Variants in SLC24A2 observed in about 807,000 individuals in gnomAD.
SLC24A2 encodes solute carrier family 24 member 2, also known as sodium/potassium/calcium exchanger 2.
A neutral mutation model predicts 62.0 loss-of-function variants in SLC24A2; 36 were observed. The observed-to-expected ratio is 0.58, with a 90% CI of 0.44 to 0.77. The LOEUF is 0.77. Among genes scored for constraint, SLC24A2 ranks in the 30% least tolerant of loss-of-function variants. The pLI is 0.00. For missense variants in SLC24A2, 846 were observed against 817.9 expected (o/e 1.03, Z -0.42); for synonymous variants, 358 against 294.0 (o/e 1.22, Z -2.23).
chr9:20,010,059 G>A, the SLC24A2 span, among the ~76,000 whole-genome samples: 2 of 152,274 alleles, frequency 1.3e-5, no homozygotes, highest in South Asian at 2.1e-4. Context: ...CCCAGCCAGC[G>A]GCGCTCCACC....
chr9:19,864,085 A>C, the SLC24A2 span, among the ~76,000 whole-genome samples: 2 of 152,158 alleles, frequency 1.3e-5, no homozygotes, highest in African/African-American at 4.8e-5. Context: ...AATCTAGAAA[A>C]AATGGACAAA....
chr9:20,047,540 G>A, the SLC24A2 span, among the ~76,000 whole-genome samples: 1 of 147,048 alleles, frequency 6.8e-6, no homozygotes, highest in African/African-American at 2.5e-5. Flanking sequence ...TGTTTCTGAA[G>A]GCTGGAAAGT....
At chr9:19,548,524 G>C (rs1232208947) in intron 8 of SLC24A2, among the ~76,000 whole-genome samples, 2 of 152,290 alleles carry the variant, frequency 1.3e-5, no homozygotes, top group South Asian at 2.1e-4. Context: ...TCTCAGGGTT[G>C]GGAAGGACTT....
chr9:19,846,546 T>G, the SLC24A2 span, among the ~76,000 whole-genome samples: 1 of 152,196 alleles, frequency 6.6e-6, no homozygotes, highest in Non-Finnish European at 1.5e-5. Context: ...TAAATCTAAC[T>G]TGCCACTCTG....
At chr9:20,125,365 T>C in the SLC24A2 span, among the ~76,000 whole-genome samples, 1 of 152,220 alleles carries the variant, frequency 6.6e-6, no homozygotes, top group African/African-American at 2.4e-5. Flanking sequence ...ATTGCAAAAC[T>C]AGAATTTGAA....
chr9:19,682,437 C>T (rs1819749853), intron 2 of SLC24A2, among the ~76,000 whole-genome samples: 1 of 152,106 alleles, frequency 6.6e-6, no homozygotes, highest in Non-Finnish European at 1.5e-5. Flanking sequence ...AATAGCAACC[C>T]TCACCTTCAG....
chr9:19,611,421 G>T (rs888709038), intron 4 of SLC24A2, among the ~76,000 whole-genome samples: 1 of 151,180 alleles, frequency 6.6e-6, no homozygotes, highest in African/African-American at 2.4e-5. Context: ...CGAGGGCAGA[G>T]AAGAGGGAAG....
At chr9:19,550,785 G>C (rs1834806346) in intron 7 of SLC24A2, among the ~76,000 whole-genome samples, 1 of 151,274 alleles carries the variant, frequency 6.6e-6, no homozygotes, top group African/African-American at 2.4e-5. Context: ...ACTACTAAGA[G>C]AGATTAACTT....
the SLC24A2 span, among the ~76,000 whole-genome samples, chr9:20,288,223 T>C: frequency 6.6e-6 from 1 of 152,312 alleles, no homozygotes; most frequent in Middle Eastern, 3.4e-3. Flanking sequence ...CAGTATTTTC[T>C]GCATCTGCCT....
chr9:20,229,733 T>C, the SLC24A2 span, among the ~76,000 whole-genome samples: 1 of 152,144 alleles, frequency 6.6e-6, no homozygotes, highest in Admixed American at 6.5e-5. Context: ...TCTTTTTTTT[T>C]AATTTTATTA....
At chr9:20,050,703 T>C in the SLC24A2 span, among the ~76,000 whole-genome samples, 1 of 152,198 alleles carries the variant, frequency 6.6e-6, no homozygotes, top group Non-Finnish European at 1.5e-5. Flanking sequence ...TTACCCAGCA[T>C]AGTACAATAA....
At chr9:20,277,242 T>C in the SLC24A2 span, among the ~76,000 whole-genome samples, 2 of 152,166 alleles carry the variant, frequency 1.3e-5, no homozygotes, top group Admixed American at 1.3e-4. Context: ...AAATGGGATC[T>C]AATTAAATAA....
At chr9:20,054,595 C>G in the SLC24A2 span, among the ~76,000 whole-genome samples, 1 of 152,158 alleles carries the variant, frequency 6.6e-6, no homozygotes, top group Non-Finnish European at 1.5e-5. Context: ...CCATGCTTCC[C>G]TCCTGAGTTT....
At chr9:19,884,656 A>G in the SLC24A2 span, among the ~76,000 whole-genome samples, 1 of 152,294 alleles carries the variant, frequency 6.6e-6, no homozygotes, top group East Asian at 1.9e-4. Flanking sequence ...TTTCAAATTT[A>G]TAATGATGCA....
the SLC24A2 span, among the ~76,000 whole-genome samples, chr9:19,900,684 C>T: frequency 3.3e-5 from 5 of 152,166 alleles, no homozygotes; most frequent in African/African-American, 1.2e-4. Flanking sequence ...TAAGAAACAC[C>T]TAAGAAATGC....
chr9:19,818,314 G>T, the SLC24A2 span, among the ~76,000 whole-genome samples: 1 of 152,102 alleles, frequency 6.6e-6, no homozygotes, highest in Non-Finnish European at 1.5e-5. Context: ...GAGAAGCAGA[G>T]AATCTGTAAG....
At chr9:20,279,225 A>T in the SLC24A2 span, among the ~76,000 whole-genome samples, 1 of 152,336 alleles carries the variant, frequency 6.6e-6, no homozygotes, top group Admixed American at 6.5e-5. Flanking sequence ...AAATCATATA[A>T]GCATATATTG....
chr9:19,858,657 A>C, the SLC24A2 span, among the ~76,000 whole-genome samples: 22 of 152,204 alleles, frequency 1.4e-4, no homozygotes, highest in African/African-American at 5.3e-4. Flanking sequence ...ATTTATAAGC[A>C]AAAATCAAAC....
At chr9:19,976,743 T>G in the SLC24A2 span, among the ~76,000 whole-genome samples, 1 of 152,204 alleles carries the variant, frequency 6.6e-6, no homozygotes, top group Admixed American at 6.5e-5. Context: ...GATTTTGGTA[T>G]CTGCAGGGGT....
Sources: gnomAD v4.1 joint callset for allele counts (sites outside exome capture counted in the v4.1 genomes callset) on GRCh38, gnomAD v4.1.1 for gene constraint, MANE v1.5 for transcripts, NCBI Gene and HGNC (gene_info 2026-07-23, HGNC 2026-07-21) for gene names.